The following WWOX variants were observed in gnomAD, a reference collection of about 807,000 sequenced individuals.
WWOX encodes the protein WW domain containing oxidoreductase, also known as WW domain-containing oxidoreductase.
Under a neutral mutation model 46.2 loss-of-function variants are expected in WWOX, and 69 were observed. The ratio of observed to expected loss-of-function variants is 1.49; its 90% CI spans 1.23 to 1.82. The LOEUF (loss-of-function observed/expected upper bound fraction) is 1.82. Among genes scored for constraint, WWOX ranks in the 40% most tolerant of loss-of-function variants. WWOX has a pLI of 0.00. For missense variants in WWOX, 919 were observed against 542.6 expected, an observed-to-expected ratio of 1.69 and a Z score of -6.89; for synonymous variants, 359 against 202.6, an observed-to-expected ratio of 1.77 and a Z score of -6.56.
intron 8 of WWOX, among the ~76,000 whole-genome samples, chr16:78,522,265 G>T (rs191051866): frequency 6.6e-6 from 1 of 151,594 alleles, no homozygotes; most frequent in East Asian, 1.9e-4. Context: ...TAAGGGTTAG[G>T]ATTAAAAAAA....
intron 8 of WWOX, among the ~76,000 whole-genome samples, chr16:78,839,055 G>A (rs910002446): frequency 6.6e-6 from 1 of 152,066 alleles, no homozygotes; most frequent in African/African-American, 2.4e-5. Context: ...CACCTATGGG[G>A]GAAACTGGAT....
chr16:78,661,422 A>G (rs908496496), intron 8 of WWOX, among the ~76,000 whole-genome samples: 9 of 152,150 alleles, frequency 5.9e-5, no homozygotes, highest in Admixed American at 1.3e-4. Context: ...TCCCCTTTCA[A>G]TACATCACAT....
At chr16:78,860,239 C>A (rs1179492173) in intron 8 of WWOX, among the ~76,000 whole-genome samples, 1 of 152,112 alleles carries the variant, frequency 6.6e-6, no homozygotes, top group African/African-American at 2.4e-5. Context: ...TTTGTCAATT[C>A]CACTATAGTA....
At chr16:78,391,914 C>T (rs2082181314) in intron 6 of WWOX, among the ~76,000 whole-genome samples, 1 of 151,982 alleles carries the variant, frequency 6.6e-6, no homozygotes, top group African/African-American at 2.4e-5. Context: ...TCTTTTCCTC[C>T]CTCCCTCTTT....
intron 8 of WWOX, among the ~76,000 whole-genome samples, chr16:79,130,696 A>G (rs763052842): frequency 1.1e-4 from 17 of 152,222 alleles, no homozygotes; most frequent in Non-Finnish European, 2.1e-4. Flanking sequence ...ATTAGACCCT[A>G]ATGAAGTGCT....
intron 8 of WWOX, among the ~76,000 whole-genome samples, chr16:78,936,331 C>T (rs1037967916): frequency 6.6e-6 from 1 of 152,154 alleles, no homozygotes; most frequent in Non-Finnish European, 1.5e-5. Flanking sequence ...CGAGTTTTCC[C>T]TGGACTTATC....
chr16:78,322,435 G>C (rs900430017), intron 5 of WWOX, among the ~76,000 whole-genome samples: 1 of 152,158 alleles, frequency 6.6e-6, no homozygotes, highest in Admixed American at 6.5e-5. Context: ...CCAGGATCAG[G>C]CCAAAGGTTT....
intron 8 of WWOX, among the ~76,000 whole-genome samples, chr16:78,920,873 G>T (rs62038099): frequency 1.3e-5 from 2 of 152,098 alleles, no homozygotes; most frequent in Non-Finnish European, 2.9e-5. Flanking sequence ...TGATGAGCTC[G>T]ATGAGCAAAT....
intron 8 of WWOX, among the ~76,000 whole-genome samples, chr16:78,693,322 C>T (rs142947032): frequency 6.6e-6 from 1 of 152,276 alleles, no homozygotes; most frequent in African/African-American, 2.4e-5. Context: ...GGACCCTCTG[C>T]ATATCTCAGA....
intron 8 of WWOX, among the ~76,000 whole-genome samples, chr16:78,577,097 C>T (rs969130843): frequency 6.6e-6 from 1 of 152,172 alleles, no homozygotes; most frequent in Non-Finnish European, 1.5e-5. Flanking sequence ...AATTGGGGAA[C>T]ATTCTTCTCT....
chr16:78,780,471 A>T (rs1321511731), intron 8 of WWOX: 1 of 152,252 alleles, frequency 6.6e-6, no homozygotes, highest in Non-Finnish European at 1.5e-5. Context: ...CCTCTGACTT[A>T]ACAGGACTTC....
At chr16:78,918,147 C>G (rs559129136) in intron 8 of WWOX, among the ~76,000 whole-genome samples, 18 of 152,126 alleles carry the variant, frequency 1.2e-4, no homozygotes, top group South Asian at 1.0e-3. Flanking sequence ...CACTTGAGCC[C>G]AGGAGGTTGA....
At chr16:78,466,820 C>A (rs572904352) in intron 8 of WWOX, among the ~76,000 whole-genome samples, 2 of 151,992 alleles carry the variant, frequency 1.3e-5, no homozygotes, top group Non-Finnish European at 2.9e-5. Context: ...TGCACTCCAG[C>A]GTGGGCAACA....
chr16:78,865,483 C>G (rs552939659), intron 8 of WWOX, among the ~76,000 whole-genome samples: 1 of 152,326 alleles, frequency 6.6e-6, no homozygotes, highest in Admixed American at 6.5e-5. Context: ...CAAATGCTCC[C>G]TGAACCTCAG....
intron 8 of WWOX, among the ~76,000 whole-genome samples, chr16:78,459,676 G>A (rs928827580): frequency 1.3e-5 from 2 of 152,180 alleles, no homozygotes; most frequent in African/African-American, 4.8e-5. Flanking sequence ...GATATTCTTG[G>A]AAGTCGTCTT....
chr16:78,493,878 A>G (rs1197570398), intron 8 of WWOX, among the ~76,000 whole-genome samples: 1 of 152,212 alleles, frequency 6.6e-6, no homozygotes, highest in African/African-American at 2.4e-5. Flanking sequence ...TTCCATTTGG[A>G]TAGATGAATG....
intron 8 of WWOX, among the ~76,000 whole-genome samples, chr16:79,029,844 G>C (rs968287514): frequency 6.6e-5 from 10 of 152,116 alleles, no homozygotes; most frequent in Non-Finnish European, 1.0e-4. Flanking sequence ...ATTGTTTACT[G>C]TCTTCAAACT....
intron 8 of WWOX, among the ~76,000 whole-genome samples, chr16:78,684,880 A>T (rs1297454641): frequency 6.6e-6 from 1 of 152,214 alleles, no homozygotes; most frequent in African/African-American, 2.4e-5. Flanking sequence ...CTCCTTTTAT[A>T]GTCAGAGCAT....
intron 8 of WWOX, among the ~76,000 whole-genome samples, chr16:78,943,261 CG>C (rs2151294318): frequency 6.6e-6 from 1 of 151,716 alleles, no homozygotes; most frequent in Non-Finnish European, 1.5e-5. Flanking sequence ...GGGAGGCAGG[CG>C]TTATTGTGCC....
Sources: allele counts gnomAD v4.1 joint callset (sites outside exome capture counted in the v4.1 genomes callset), GRCh38; gene constraint gnomAD v4.1.1; transcripts MANE v1.5; gene names NCBI Gene and HGNC (gene_info 2026-07-23, HGNC 2026-07-21).